Variants in CAMTA1 observed in about 807,000 individuals in gnomAD.
CAMTA1 encodes the protein calmodulin binding transcription activator 1.
Under a neutral mutation model 170.9 loss-of-function variants are expected in CAMTA1, and 27 were observed. The ratio of observed to expected loss-of-function variants is 0.16; its 90% confidence interval spans 0.12 to 0.22. The LOEUF is 0.22. Among genes scored for constraint, CAMTA1 ranks in the 10% least tolerant of loss-of-function variants. The pLI is 1.00. For synonymous variants in CAMTA1, 833 were observed against 891.5 expected (o/e 0.93, Z 1.17); for missense variants, 1,619 against 2,217.2 (o/e 0.73, Z 5.42).
chr1:7,469,982 T>C (rs940027448), intron 6 of CAMTA1, among the ~76,000 whole-genome samples: 1 of 152,212 alleles, frequency 6.6e-6, no homozygotes, highest in Non-Finnish European at 1.5e-5. Context: ...GACTGATTCA[T>C]GTGTGTCTGG....
intron 1 of CAMTA1, among the ~76,000 whole-genome samples, chr1:6,804,860 A>G (rs1421374957): frequency 6.6e-6 from 1 of 151,758 alleles, no homozygotes; most frequent in African/African-American, 2.4e-5. Context: ...TGGCCACTTC[A>G]CTCCTTTTAT....
At chr1:7,192,109 T>C (rs907344362) in intron 4 of CAMTA1, among the ~76,000 whole-genome samples, 4 of 152,246 alleles carry the variant, frequency 2.6e-5, no homozygotes, top group Non-Finnish European at 5.9e-5. Context: ...GATAATCGCA[T>C]GTCAAGATGC....
At chr1:6,916,938 A>G (rs1188499307) in intron 3 of CAMTA1, among the ~76,000 whole-genome samples, 1 of 152,198 alleles carries the variant, frequency 6.6e-6, no homozygotes, top group Non-Finnish European at 1.5e-5. Flanking sequence ...ACATGAGGGG[A>G]CAATTACAGG....
At position 7,416,392 on chromosome 1, in the gene CAMTA1, C is replaced by G. The variant is rs541917277; in HGVS notation, c.439-51438C>G. ...TTCCATTCTCCCCGTCACTTTCAGG[C>G]ACACCAATCAGACGTAGATTTGGTC... is the stretch of plus-strand genomic sequence containing the variant. On this transcript the variant is annotated intron_variant, in intron 5 of 22. Coordinates refer to ENST00000303635, the MANE Select transcript of CAMTA1 (RefSeq NM_015215.4). 3.2e-4 allele frequency among the ~76,000 whole-genome samples: 49 copies of G among 152,318 alleles called. No individual in the cohort carries two copies. The South Asian group carries it at 0.01, about 32-fold the overall frequency.
intron 3 of CAMTA1, among the ~76,000 whole-genome samples, chr1:6,941,067 C>T (rs894804649): frequency 4.6e-5 from 7 of 151,534 alleles, no homozygotes; most frequent in South Asian, 2.1e-4. Flanking sequence ...CATTTTCTGC[C>T]GAGGAGCCCA....
At chr1:7,695,312 G>T (rs557007261) in intron 11 of CAMTA1, among the ~76,000 whole-genome samples, 2 of 152,210 alleles carry the variant, frequency 1.3e-5, no homozygotes, top group African/African-American at 2.4e-5. Flanking sequence ...TGAGCAGAGA[G>T]AAGAGGGCGC....
At chr1:7,600,978 G>A (rs912625362) in intron 6 of CAMTA1, among the ~76,000 whole-genome samples, 18 of 152,022 alleles carry the variant, frequency 1.2e-4, no homozygotes, top group Admixed American at 3.9e-4. Flanking sequence ...ATCATGGCCC[G>A]TTCTCAATGA....
rs1699155920 is a variant in CAMTA1, at chr1:7,007,386, G to A, written c.235-83918G>A. 6.6e-6 allele frequency among the ~76,000 whole-genome samples: 1 copy of A among 152,224 alleles called. No homozygotes were observed. Among genetic ancestry groups the A allele is most frequent in the South Asian group, 2.1e-4 (1 of 4,832 alleles). On this transcript the variant is annotated intron_variant, in intron 3 of 22. Coordinates refer to ENST00000303635, the MANE Select transcript of CAMTA1 (RefSeq NM_015215.4). The surrounding 1 kb of genome is among the most constrained non-coding windows in gnomAD (Gnocchi z 4.5). ...CACAGGCAGCTGTACGCCAGAGCCT[G>A]TGGGCCACCCCGAGGAAGTGACCCC...
chr1:7,274,939 C>T (rs181054889), intron 5 of CAMTA1, among the ~76,000 whole-genome samples: 4 of 151,866 alleles, frequency 2.6e-5, no homozygotes, highest in Admixed American at 6.6e-5. Context: ...GTCAGGAGTT[C>T]GAGACCAGCC....
chr1:7,765,765 C>T (rs749262809), intron 22 of CAMTA1, among the ~76,000 whole-genome samples: 3 of 152,118 alleles, frequency 2.0e-5, no homozygotes, highest in Non-Finnish European at 2.9e-5. Context: ...CGGTGGCTCA[C>T]GCCTGTAATC....
intron 5 of CAMTA1, among the ~76,000 whole-genome samples, chr1:7,323,279 T>C (rs1235461696): frequency 6.6e-6 from 1 of 152,010 alleles, no homozygotes; most frequent in African/African-American, 2.4e-5. Context: ...TCTTGAAGTA[T>C]TTCAAAGTTT....
intron 6 of CAMTA1, 72 bp downstream of exon 6, chr1:7,467,973 G>T: frequency 1.6e-6 from 2 of 1,254,578 alleles, no homozygotes; most frequent in East Asian, 4.6e-5. Flanking sequence ...CACTGAGGGC[G>T]CGGGGCTCCG....
intron 19 of CAMTA1, chr1:7,749,673 T>G (rs2096882249): frequency 2.5e-6 from 1 of 404,732 alleles, no homozygotes; most frequent in South Asian, 1.8e-5. Context: ...GTTGCCTTTT[T>G]TTTTTTTCTT....
chr1:7,564,795 G>C (rs17031140), intron 6 of CAMTA1, among the ~76,000 whole-genome samples: 8 of 151,734 alleles, frequency 5.3e-5, no homozygotes, highest in Non-Finnish European at 1.2e-4. Context: ...ACAAGCAAAA[G>C]GCTGTGAGGA....
chr1:7,357,526 C>T (rs1050841347), intron 5 of CAMTA1, among the ~76,000 whole-genome samples: 4 of 152,178 alleles, frequency 2.6e-5, no homozygotes, highest in African/African-American at 4.8e-5. Context: ...TTCCATCTCA[C>T]AGGAATGGTC....
intron 6 of CAMTA1, among the ~76,000 whole-genome samples, chr1:7,560,113 T>G (rs539380155): frequency 6.6e-6 from 1 of 152,346 alleles, no homozygotes; most frequent in Admixed American, 6.5e-5. Context: ...AGGGGGATTC[T>G]TCTCCTCTCC....
intron 5 of CAMTA1, among the ~76,000 whole-genome samples, chr1:7,317,655 G>A (rs896691519): frequency 6.6e-6 from 1 of 152,202 alleles, no homozygotes; most frequent in South Asian, 2.1e-4. Context: ...GCCTGGAAGC[G>A]GTTGAGCTGG....
intron 2 of CAMTA1, among the ~76,000 whole-genome samples, chr1:6,824,155 GT>G (rs1413416779): frequency 1.3e-5 from 2 of 152,114 alleles, no homozygotes; most frequent in African/African-American, 4.8e-5. Context: ...TTAGTACCTA[GT>G]TATGTGTACC....
intron 3 of CAMTA1, among the ~76,000 whole-genome samples, chr1:7,048,968 G>T (rs1198775139): frequency 6.6e-6 from 1 of 152,172 alleles, no homozygotes; most frequent in East Asian, 1.9e-4. Flanking sequence ...TAAACTTACA[G>T]ACAGGCCAAA....
Sources: allele counts gnomAD v4.1 joint callset (sites outside exome capture counted in the v4.1 genomes callset), GRCh38; gene constraint gnomAD v4.1.1; non-coding constraint Gnocchi (gnomAD v3.1); transcripts MANE v1.5; gene names NCBI Gene and HGNC (gene_info 2026-07-23, HGNC 2026-07-21).